The following ROBO2 variants were observed in gnomAD, a reference collection of about 807,000 sequenced individuals.
ROBO2 encodes roundabout homolog 2.
A neutral mutation model predicts 160.8 loss-of-function variants in ROBO2; 53 were observed. The observed-to-expected ratio is 0.33, with a 90% CI of 0.26 to 0.41. The LOEUF (loss-of-function observed/expected upper bound fraction) is 0.41. ROBO2 is among the 10% of genes least tolerant of loss of function. The pLI is 1.00. For missense variants in ROBO2, 1,577 were observed against 1,722.4 expected, an observed-to-expected ratio of 0.92 and a Z score of 1.49; for synonymous variants, 664 against 611.7, an observed-to-expected ratio of 1.09 and a Z score of -1.26.
chr3:77,624,001 G>C (rs1291900938), intron 23 of ROBO2, among the ~76,000 whole-genome samples: 1 of 152,168 alleles, frequency 6.6e-6, no homozygotes, highest in African/African-American at 2.4e-5. Context: ...AGCTCAAGCA[G>C]TCTGTATTTC....
chr3:77,271,845 T>A lies in ROBO2; in HGVS notation c.388+173505T>A, dbSNP rs183474069. 1.1e-4 allele frequency among the ~76,000 whole-genome samples: 17 copies of A among 152,338 alleles called. No individual in the cohort carries two copies. In the East Asian group the frequency reaches 3.1e-3, roughly 28 times the overall value. ...CATTTCAAGGATCTTTCCTTATGGT[T>A]AACCCCTTTTCATCTTCTGAACAGG... is the stretch of plus-strand genomic sequence containing the variant. On this transcript the variant is annotated intron_variant, in intron 2 of 25. Transcript: ENST00000461745.
chr3:76,213,295 A>AATATATATTT (rs1703269339), intron 2 of ROBO2, among the ~76,000 whole-genome samples: 1 of 152,156 alleles, frequency 6.6e-6, no homozygotes, highest in Non-Finnish European at 1.5e-5. Flanking sequence ...GAAAGGAAAA[A>AATATATATTT]ATATATATTT....
chr3:77,363,450 C>T (rs998196300), intron 2 of ROBO2, among the ~76,000 whole-genome samples: 4 of 152,060 alleles, frequency 2.6e-5, no homozygotes, highest in African/African-American at 9.7e-5. Context: ...GCAGGCCATA[C>T]GATCTCTGTT....
chr3:76,319,537 G>A (rs1209502443), intron 2 of ROBO2, among the ~76,000 whole-genome samples: 2 of 151,688 alleles, frequency 1.3e-5, no homozygotes, highest in Non-Finnish European at 2.9e-5. Context: ...TTATACTAAA[G>A]TTGCACTTGG....
At chr3:77,215,929 G>A (rs765005116) in intron 2 of ROBO2, among the ~76,000 whole-genome samples, 4 of 152,108 alleles carry the variant, frequency 2.6e-5, no homozygotes, top group Admixed American at 1.3e-4. Context: ...CTGCCTGATC[G>A]TTCCTCTGGA....
intron 4 of ROBO2, 108 bp from the exon 5 acceptor site, chr3:77,493,136 A>T: frequency 9.2e-7 from 1 of 1,081,176 alleles, no homozygotes; most frequent in Non-Finnish European, 1.4e-6. Flanking sequence ...AGAGTTAGGT[A>T]CCTGTGTACC....
intron 1 of ROBO2, among the ~76,000 whole-genome samples, chr3:75,922,252 G>A (rs1559753467): frequency 6.6e-6 from 1 of 152,046 alleles, no homozygotes; most frequent in African/African-American, 2.4e-5. Flanking sequence ...ACTAATTCCA[G>A]AGTGGATGTC....
intron 2 of ROBO2, among the ~76,000 whole-genome samples, chr3:76,896,059 C>T (rs1353518260): frequency 6.6e-6 from 1 of 152,148 alleles, no homozygotes; most frequent in Non-Finnish European, 1.5e-5. Context: ...AATATTACTG[C>T]CAATTTGGCA....
chr3:76,006,702 A>G (rs1462788188), intron 2 of ROBO2, among the ~76,000 whole-genome samples: 1 of 152,136 alleles, frequency 6.6e-6, no homozygotes, highest in Non-Finnish European at 1.5e-5. Flanking sequence ...GAAATATAGT[A>G]GGTGCTCATT....
exon 26 of ROBO2, chr3:77,646,101 C>A: frequency 6.6e-7 from 1 of 1,526,624 alleles, no homozygotes; most frequent in South Asian, 1.2e-5. Context: ...ACCATCAGGT[C>A]CGGACTCATG....
intron 2 of ROBO2, among the ~76,000 whole-genome samples, chr3:77,164,885 G>GT (rs2078897497): frequency 1.0e-5 from 1 of 98,022 alleles, no homozygotes. Flanking sequence ...CGGGAGGGAG[G>GT]TGGGGGGGTC....
chr3:76,872,752 A>G (rs2072248609), intron 2 of ROBO2, among the ~76,000 whole-genome samples: 1 of 151,886 alleles, frequency 6.6e-6, no homozygotes, highest in African/African-American at 2.4e-5. Context: ...AATTACATAT[A>G]TTTCTGCTTC....
chr3:77,338,711 A>T (rs2066748878), intron 2 of ROBO2, among the ~76,000 whole-genome samples: 1 of 152,148 alleles, frequency 6.6e-6, no homozygotes, highest in South Asian at 2.1e-4. Flanking sequence ...CAAATATTCA[A>T]TGTTTTTAAA....
rs1469596561 is a variant in ROBO2, at chr3:76,531,642, C to A, written c.110-566372C>A. ...TTTCTTTTTTTTTTTTTTTTTGGTA[C>A]CCTAAGCAAATGTTTTTCTGTCCTC... On this transcript the variant is annotated intron_variant, in intron 2 of 26. Transcript: ENST00000487694. Among the ~76,000 whole-genome samples, 7 of 119,432 alleles carry A rather than the reference C, an allele frequency of 5.9e-5. No individual in the cohort carries two copies. The South Asian group carries it at 1.1e-3, about 19-fold the overall frequency. The allele number at this position is 119,432 out of a possible 152,430, so 78.4% of individuals were successfully genotyped here. A position where few individuals can be genotyped will look rare whatever the true frequency, so the allele number is the denominator to read the frequency against.
intron 2 of ROBO2, among the ~76,000 whole-genome samples, chr3:77,378,728 G>C (rs1389215726): frequency 6.6e-6 from 1 of 152,092 alleles, no homozygotes; most frequent in Admixed American, 6.5e-5. Context: ...TTTCTCTTGT[G>C]CCGTCTCTGA....
chr3:77,085,484 C>G (rs2149971086), intron 1 of ROBO2, among the ~76,000 whole-genome samples: 1 of 152,108 alleles, frequency 6.6e-6, no homozygotes, highest in South Asian at 2.1e-4. Context: ...CCTCCAAATA[C>G]CCCTGAAGAA....
At chr3:76,434,201 C>T (rs550138905) in intron 2 of ROBO2, 31 of 1,106,260 alleles carry the variant, frequency 2.8e-5, no homozygotes, top group African/African-American at 1.2e-4. Flanking sequence ...CTGGGGGAGA[C>T]GTGCAGAAAT....
chr3:77,391,454 C>T (rs1408589882), intron 2 of ROBO2, among the ~76,000 whole-genome samples: 3 of 151,924 alleles, frequency 2.0e-5, no homozygotes, highest in African/African-American at 7.3e-5. Flanking sequence ...TACAGGTGCA[C>T]ACCTGTAGTC....
At chr3:75,961,295 A>T (rs1006004260) in intron 2 of ROBO2, among the ~76,000 whole-genome samples, 10 of 151,558 alleles carry the variant, frequency 6.6e-5, no homozygotes, top group African/African-American at 2.4e-4. Flanking sequence ...ACACTAAGTG[A>T]TTTACTTTTG....
Sources: allele counts gnomAD v4.1 joint callset (sites outside exome capture counted in the v4.1 genomes callset), GRCh38; gene constraint gnomAD v4.1.1; transcripts MANE v1.5; gene names NCBI Gene and HGNC (gene_info 2026-07-23, HGNC 2026-07-21).